VIRMA: variants seen among roughly 807,000 people sequenced by gnomAD.
The protein encoded by VIRMA is vir like m6A methyltransferase associated, also known as protein virilizer homolog.
In VIRMA, 65 loss-of-function variants were observed where a neutral mutation model predicts 182.4. The observed-to-expected ratio is 0.36, with a 90% confidence interval of 0.29 to 0.44. VIRMA has a LOEUF of 0.44. VIRMA is among the 20% of genes least tolerant of loss of function. The pLI is 1.00. For missense variants in VIRMA, 1,752 were observed against 2,158.1 expected (o/e 0.81, Z 3.73); for synonymous variants, 709 against 743.1 (o/e 0.95, Z 0.75).
Position 94,534,905 on chromosome 8 carries a change from G to A in VIRMA, c.418C>T (p.Pro140Ser). ...GGTGGTGGCGGTGGAGGTGGTGGTG[G>A]TGGAGAGTCTCTGTCATGACTTATC... ...RVISHDRDSPPPPPPPPPPPQ... is the reference protein window; with the variant it reads ...RVISHDRDSPSPPPPPPPPPQ... Residue 140 changes from proline (P) to serine (S), a missense_variant, in exon 5 of 24, where the codon CCA (proline) becomes TCA (serine). Coordinates refer to ENST00000297591, the MANE Select transcript of VIRMA (RefSeq NM_015496.5). The A allele has an allele frequency of 6.2e-7, 1 of 1,613,596 alleles. No homozygotes were observed. The highest frequency in any genetic ancestry group is 8.5e-7 in the Non-Finnish European group (1 of 1,179,826).
intron 20 of VIRMA, among the ~76,000 whole-genome samples, chr8:94,493,758 T>C (rs1175139120): frequency 6.6e-6 from 1 of 152,192 alleles, no homozygotes; most frequent in African/African-American, 2.4e-5. Flanking sequence ...CAAATCATTC[T>C]CTTAGTTTTA....
rs1814294489 is a variant in VIRMA, at chr8:94,509,681, T to C, written c.3879+7A>G. ...AGAGAGAGACTTTATAAAATAACTA[T>C]AAATACCTGATCACAGAGAGACTGC... On this transcript the variant is annotated splice_region_variant and intron_variant, in intron 15 of 23. Transcript: ENST00000297591. 1.9e-6 allele frequency: 3 copies of C among 1,607,590 alleles called. No homozygotes were observed. The highest frequency in any genetic ancestry group is 2.5e-6 in the Non-Finnish European group (3 of 1,177,456).
At chr8:94,548,812 C>T (rs531133556) in intron 1 of VIRMA, among the ~76,000 whole-genome samples, 41 of 152,278 alleles carry the variant, frequency 2.7e-4, no homozygotes, top group Middle Eastern at 6.8e-3. Flanking sequence ...CATACCATCA[C>T]GCCTGGCTAA....
intron 17 of VIRMA, chr8:94,496,745 T>G (rs1169097122): frequency 9.3e-6 from 3 of 323,078 alleles, no homozygotes; most frequent in Non-Finnish European, 1.7e-5. Flanking sequence ...GGCAAAACAC[T>G]GGCAGTTGTA....
At chr8:94,548,142 G>A (rs192900292) in intron 1 of VIRMA, among the ~76,000 whole-genome samples, 2 of 150,690 alleles carry the variant, frequency 1.3e-5, no homozygotes, top group Admixed American at 6.6e-5. Context: ...GGACAGTGAT[G>A]AGACTTACTT....
chr8:94,530,529 A>G lies in VIRMA; in HGVS notation c.607+434T>C, dbSNP rs143877409. Among the ~76,000 whole-genome samples the G allele has an allele frequency of 6.5e-3, 992 of 152,114 alleles. 7 individuals are homozygous for G. The highest frequency in any genetic ancestry group is 0.023 in the African/African-American group (936 of 41,498). On this transcript the variant is annotated intron_variant, in intron 6 of 23. Coordinates refer to ENST00000297591, the MANE Select transcript of VIRMA (RefSeq NM_015496.5). Reference sequence around the variant, plus strand: ...AAAAAAAGAAAAAAGAAAGAAAGAAAAAAGAAAAAGAAAAACACAAGGAAA... The same window carrying G: ...AAAAAAAGAAAAAAGAAAGAAAGAAGAAAGAAAAAGAAAAACACAAGGAAA...
In VIRMA at chr8:94,491,937, C is replaced by T. The variant is rs770246067; in HGVS notation, c.4809-28G>A. 3.4e-6 allele frequency: 5 copies of T among 1,474,870 alleles called. No homozygotes were observed. The South Asian group carries it at 7.5e-5, about 22-fold the overall frequency. 91.4% of individuals were successfully genotyped at this position (1,474,870 alleles called of 1,614,324 possible). ...ATTAAAACAAAAACATGCCATAAAA[C>T]ATTTTTCTTTCAGGTTTCTAGCAAA... is the stretch of plus-strand genomic sequence containing the variant. On this transcript the variant is annotated intron_variant, in intron 21 of 23. Coordinates refer to ENST00000297591, the MANE Select transcript of VIRMA (RefSeq NM_015496.5).
At chr8:94,502,937 A>G (rs1814043499) in intron 16 of VIRMA, among the ~76,000 whole-genome samples, 2 of 152,198 alleles carry the variant, frequency 1.3e-5, no homozygotes, top group African/African-American at 4.8e-5. Flanking sequence ...GAGTTGGAAT[A>G]AGATGAACAA....
intron 5 of VIRMA, chr8:94,534,233 A>G (rs1296488768): frequency 6.6e-6 from 1 of 151,610 alleles, no homozygotes; most frequent in Non-Finnish European, 1.5e-5. Context: ...TGCACTCTTG[A>G]AAAAAAAATG....
chr8:94,552,012 C>T (rs567694481), intron 1 of VIRMA, among the ~76,000 whole-genome samples: 1 of 152,204 alleles, frequency 6.6e-6, no homozygotes, highest in East Asian at 1.9e-4. Flanking sequence ...TGAGCCACTG[C>T]GCCAGGCTCT....
chr8:94,529,703 G>C (rs113423963), intron 6 of VIRMA, among the ~76,000 whole-genome samples: 44,578 of 151,840 alleles, frequency 0.29, 6,913 homozygotes, highest in East Asian at 0.5. Flanking sequence ...GCAGTGGCAT[G>C]ATCTCGGCTC....
At chr8:94,525,586 A>G (rs1482181537) in intron 8 of VIRMA, among the ~76,000 whole-genome samples, 1 of 152,234 alleles carries the variant, frequency 6.6e-6, no homozygotes, top group African/African-American at 2.4e-5. Flanking sequence ...TGAAAATATT[A>G]ATCACAAAAA....
Position 94,541,702 on chromosome 8 carries a change from T to C in VIRMA, c.179+2125A>G, listed in dbSNP as rs531021718. On this transcript the variant is annotated intron_variant, in intron 2 of 23. Transcript: ENST00000297591. ...GATTACAGGTGTGCACCACCACAGC[T>C]GGCTAATTTTTGTGTTTTTAATAGA... 4.5e-4 allele frequency among the ~76,000 whole-genome samples: 69 copies of C among 152,130 alleles called. 1 individual carries two copies. In the South Asian group the frequency reaches 0.013, roughly 30 times the overall value.
chr8:94,491,563 ATAC>A lies in VIRMA; in HGVS notation c.5140+12_5140+14del. ...AATATTCTAACCCATTAGAAAATAC[ATAC>A]TAATTAGTTACCTTTTGAAGCAGGT... On this transcript the variant is annotated intron_variant, in intron 22 of 23. Coordinates refer to ENST00000297591, the MANE Select transcript of VIRMA (RefSeq NM_015496.5). 6.3e-7 allele frequency: 1 copy of A among 1,585,882 alleles called. No homozygotes were observed.
chr8:94,526,681 T>C lies in VIRMA; in HGVS notation c.1563A>G (p.Leu521=). The C allele has an allele frequency of 1.9e-6, 3 of 1,613,922 alleles. No individual in the cohort carries two copies. Among genetic ancestry groups the C allele is most frequent in the Non-Finnish European group, 2.5e-6 (3 of 1,180,012 alleles). Reference sequence around the variant, plus strand: ...CACTTTTTTCATTCTGCCTACCTCTTAAAAAAGCTTCCATTCCTTCTGTCA... The same window carrying C: ...CACTTTTTTCATTCTGCCTACCTCTCAAAAAAGCTTCCATTCCTTCTGTCA... ...ISMTEGMEAF[L]RGRQNEKSGY... Residue 521 remains leucine (L), a synonymous_variant, in exon 8 of 24, where the codon TTA becomes TTG. Coordinates refer to ENST00000297591, the MANE Select transcript of VIRMA (RefSeq NM_015496.5).
In VIRMA at chr8:94,499,484, C is replaced by G; in HGVS notation, c.4120G>C (p.Ala1374Pro). The G allele has an allele frequency of 6.4e-7, 1 of 1,570,418 alleles. No homozygotes were observed. The highest frequency in any genetic ancestry group is 1.4e-5 in the African/African-American group (1 of 74,068). Residue 1374 changes from alanine (A) to proline (P), a missense_variant, in exon 17 of 24, where the codon GCT becomes CCT. Physicochemically the swap from Ala to Pro is conservative, Grantham distance 27. Coordinates refer to ENST00000297591, the MANE Select transcript of VIRMA (RefSeq NM_015496.5). ...ACTCGTTTCAGTAAACTATGCAGAG[C>G]ACTACTGTTTTTCCTTAAAGAACTG... The part of the protein sequence containing the change: ...LKSSLRKNSS[A>P]LHSLLKRVVS...
Position 94,493,402 on chromosome 8 carries a change from A to T in VIRMA, c.4642-584T>A, listed in dbSNP as rs79596796. On this transcript the variant is annotated intron_variant, in intron 20 of 23. Transcript: ENST00000297591. ...TTGTGATTCAACTTAAAGTTAAAAA[A>T]TTAGTAACTTTTAACAAATATTTTA... Among the ~76,000 whole-genome samples, 187 of 152,374 alleles carry T rather than the reference A, an allele frequency of 1.2e-3. 1 individual carries two copies. The highest frequency in any genetic ancestry group is 4.3e-3 in the African/African-American group (178 of 41,598).
At chr8:94,528,892 C>T (rs1234508001) in intron 7 of VIRMA, among the ~76,000 whole-genome samples, 178 bp downstream of exon 7, 1 of 152,198 alleles carries the variant, frequency 6.6e-6, no homozygotes, top group Non-Finnish European at 1.5e-5. Flanking sequence ...AGTAAACACA[C>T]AAAGCAGAGG....
At chr8:94,507,260 C>T (rs758400804) in intron 15 of VIRMA, among the ~76,000 whole-genome samples, 17 of 151,344 alleles carry the variant, frequency 1.1e-4, no homozygotes, top group African/African-American at 2.9e-4. Context: ...CTCAGCCTCC[C>T]GAGTAGCTGG....
Sources: gnomAD v4.1 joint callset for allele counts (sites outside exome capture counted in the v4.1 genomes callset) on GRCh38, gnomAD v4.1.1 for gene constraint, MANE v1.5 for transcripts, NCBI Gene and HGNC (gene_info 2026-07-23, HGNC 2026-07-21) for gene names.